C16orf46: variants seen among roughly 807,000 people sequenced by gnomAD.
C16orf46 encodes chromosome 16 open reading frame 46, also known as uncharacterized protein C16orf46.
In C16orf46, 7 loss-of-function variants were observed where a neutral mutation model predicts 5.5. That is an observed-to-expected ratio of 1.28 (90% CI 0.73 to 2.40). The LOEUF is 2.40. Ranked by LOEUF, C16orf46 falls within the 30% of genes most tolerant of loss-of-function variation. The pLI is 0.00. For missense variants in C16orf46, 614 were observed against 476.0 expected (o/e 1.29, Z -2.70); for synonymous variants, 200 against 184.1 (o/e 1.09, Z -0.70).
chr16:81,062,759 G>T (rs1214038066), intron 3 of C16orf46, among the ~76,000 whole-genome samples: 2 of 151,766 alleles, frequency 1.3e-5, no homozygotes, highest in Non-Finnish European at 2.9e-5. Flanking sequence ...CATTAAAAAA[G>T]GGTTGCCAGT....
At chr16:81,056,811 C>A (rs963701685), downstream of C16orf46, among the ~76,000 whole-genome samples, 1 of 151,836 alleles carries the variant, frequency 6.6e-6, no homozygotes, top group Non-Finnish European at 1.5e-5. Flanking sequence ...ATGGAGAGCA[C>A]ATATGCCTTC....
chr16:81,055,538 A>AT (rs1194484962), intron 3 of C16orf46: 1 of 151,868 alleles, frequency 6.6e-6, no homozygotes, highest in Non-Finnish European at 1.5e-5. Flanking sequence ...TCAAAAAAAA[A>AT]AAAAAATTAG....
chr16:81,074,531 C>T (rs1206764336), intron 1 of C16orf46, among the ~76,000 whole-genome samples: 1 of 151,936 alleles, frequency 6.6e-6, no homozygotes, highest in Non-Finnish European at 1.5e-5. Context: ...ACTACAGATG[C>T]GCGCCATCAC....
chr16:81,063,105 G>A (rs757524039), intron 3 of C16orf46, among the ~76,000 whole-genome samples: 10 of 151,718 alleles, frequency 6.6e-5, no homozygotes, highest in East Asian at 1.9e-4. Context: ...AATTAGCTGG[G>A]CATGGTGGGC....
downstream of C16orf46, among the ~76,000 whole-genome samples, chr16:81,057,058 C>G (rs1338713740): frequency 6.6e-6 from 1 of 152,070 alleles, no homozygotes; most frequent in Non-Finnish European, 1.5e-5. Flanking sequence ...TCTAATATGT[C>G]AAGGCCAGGG....
chr16:81,073,934 A>C (rs1286446205), intron 1 of C16orf46, among the ~76,000 whole-genome samples: 1 of 152,238 alleles, frequency 6.6e-6, no homozygotes, highest in African/African-American at 2.4e-5. Flanking sequence ...AGGAGATCTT[A>C]AACAGAGAAC....
chr16:81,054,015 T>G, exon 4 of C16orf46: 1 of 1,553,316 alleles, frequency 6.4e-7, no homozygotes, highest in South Asian at 1.1e-5. Flanking sequence ...TTTGCTTTTA[T>G]GATTACATCT....
Position 81,061,277 on chromosome 16 carries a change from C to A in C16orf46, c.1072G>T (p.Ala358Ser). 1 of 1,614,122 alleles carries A rather than the reference C, an allele frequency of 6.2e-7. No individual in the cohort carries two copies. Among genetic ancestry groups the A allele is most frequent in the Non-Finnish European group, 8.5e-7 (1 of 1,180,046 alleles). ...VITRKHVLPKAKQENRPQMLE... is the reference protein window; with the variant it reads ...VITRKHVLPKSKQENRPQMLE... Reference sequence around the variant, plus strand: ...ATTTGGGGCCTGTTTTCCTGCTTGGCCTTTGGGAGAACATGCTTTCGGGTG... The same window carrying A: ...ATTTGGGGCCTGTTTTCCTGCTTGGACTTTGGGAGAACATGCTTTCGGGTG... Residue 358 changes from alanine (A) to serine (S), a missense_variant, in exon 4 of 4, where the codon GCC becomes TCC. By Grantham distance (99) the Ala-to-Ser change is moderately conservative. Transcript: ENST00000299578.
chr16:81,058,395 G>A (rs573323711), downstream of C16orf46, among the ~76,000 whole-genome samples: 22 of 152,292 alleles, frequency 1.4e-4, no homozygotes, highest in South Asian at 3.7e-3. Flanking sequence ...GAACACCTCC[G>A]TATGCACAAA....
downstream of C16orf46, among the ~76,000 whole-genome samples, chr16:81,059,342 A>G (rs1287441824): frequency 6.7e-6 from 1 of 150,332 alleles, no homozygotes; most frequent in Non-Finnish European, 1.5e-5. Flanking sequence ...AAAAAAAAAA[A>G]CCCTAGGCAA....
At chr16:81,065,827 GTTTTGTT>G (rs937063981) in intron 2 of C16orf46, among the ~76,000 whole-genome samples, 2 of 140,714 alleles carry the variant, frequency 1.4e-5, no homozygotes, top group Non-Finnish European at 3.0e-5. Flanking sequence ...ATTTTGTTTT[GTTTTGTT>G]TTGTTTTGTT....
At chr16:81,057,359 G>A (rs1971328927), downstream of C16orf46, among the ~76,000 whole-genome samples, 1 of 151,880 alleles carries the variant, frequency 6.6e-6, no homozygotes, top group South Asian at 2.1e-4. Context: ...GACTAGCCTG[G>A]CCTACATGGT....
In C16orf46 at chr16:81,061,302, G is replaced by C; in HGVS notation, c.1047C>G (p.Ile349Met). 4 of 1,614,112 alleles carry C rather than the reference G, an allele frequency of 2.5e-6. No individual in the cohort carries two copies. Among genetic ancestry groups the C allele is most frequent in the Non-Finnish European group, 3.4e-6 (4 of 1,180,034 alleles). The stretch of plus-strand genomic sequence containing the variant: ...CCTTTGGGAGAACATGCTTTCGGGT[G>C]ATCACAGGAGATCTTGGCTCCTTGG... ...FKAKEPRSPV[I>M]TRKHVLPKAK... Residue 349 changes from isoleucine (I) to methionine (M), a missense_variant, in exon 4 of 4, where the codon ATC becomes ATG. Transcript: ENST00000299578.
intron 1 of C16orf46, among the ~76,000 whole-genome samples, chr16:81,069,246 A>G (rs1420338808): frequency 2.0e-5 from 3 of 152,152 alleles, no homozygotes. Context: ...ATTAGTCAAG[A>G]CAGGCAAGGA....
At chr16:81,068,527 T>C (rs1971727866) in intron 1 of C16orf46, among the ~76,000 whole-genome samples, 5 of 151,138 alleles carry the variant, frequency 3.3e-5, no homozygotes, top group South Asian at 2.1e-4. Flanking sequence ...GAAATGACTA[T>C]GCCATATGGT....
intron 3 of C16orf46, among the ~76,000 whole-genome samples, chr16:81,055,823 C>A (rs773260218): frequency 2.6e-5 from 4 of 152,176 alleles, no homozygotes; most frequent in African/African-American, 9.7e-5. Flanking sequence ...CGGGTTCAAG[C>A]GACTCTCCTG....
At chr16:81,069,228 T>C (rs1285803407) in intron 1 of C16orf46, among the ~76,000 whole-genome samples, 1 of 152,172 alleles carries the variant, frequency 6.6e-6, no homozygotes, top group Non-Finnish European at 1.5e-5. Flanking sequence ...CAGTCTCGAC[T>C]ACCTAGCATT....
rs1567573060 is a variant in C16orf46, at chr16:81,061,327, G to A, written c.1022C>T (p.Ala341Val). Residue 341 changes from alanine to valine, a missense_variant, in exon 4 of 4, where the codon GCC becomes GTC. Transcript: ENST00000299578. Reference protein sequence around the residue: ...GVQSYKSKFKAKEPRSPVITR... With the variant: ...GVQSYKSKFKVKEPRSPVITR... ...GATCACAGGAGATCTTGGCTCCTTGGCTTTGAATTTGGATTTGTAGCTTTG... is the reference window on the plus strand; with the variant it reads ...GATCACAGGAGATCTTGGCTCCTTGACTTTGAATTTGGATTTGTAGCTTTG... 2 of 1,614,120 alleles carry A rather than the reference G, an allele frequency of 1.2e-6. No individual in the cohort carries two copies. Among genetic ancestry groups the A allele is most frequent in the South Asian group, 2.2e-5 (2 of 91,086 alleles).
intron 1 of C16orf46, among the ~76,000 whole-genome samples, chr16:81,074,658 C>G (rs902482191): frequency 1.3e-5 from 2 of 152,098 alleles, no homozygotes; most frequent in Non-Finnish European, 2.9e-5. Context: ...GTTGGGATTA[C>G]AGGCATGAGC....
Sources: gnomAD v4.1 joint callset for allele counts (sites outside exome capture counted in the v4.1 genomes callset) on GRCh38, gnomAD v4.1.1 for gene constraint, MANE v1.5 for transcripts, NCBI Gene and HGNC (gene_info 2026-07-23, HGNC 2026-07-21) for gene names.